MIGA1: variants seen among roughly 807,000 people sequenced by gnomAD.
MIGA1 encodes the protein mitoguardin 1, also known as family with sequence similarity 73, member A.
Under a neutral mutation model 82.0 loss-of-function variants are expected in MIGA1, and 58 were observed. The observed-to-expected ratio is 0.71, with a 90% CI of 0.57 to 0.88. The LOEUF (loss-of-function observed/expected upper bound fraction) is 0.88, where lower values mean the gene tolerates loss of function less well. Among genes scored for constraint, MIGA1 ranks in the 40% least tolerant of loss-of-function variants. The probability of loss-of-function intolerance (pLI) is 0.00; values close to 1 mark genes in which losing one functional copy is unlikely to be tolerated. For missense variants in MIGA1, 751 were observed against 749.1 expected (o/e 1.00, Z -0.03); for synonymous variants, 249 against 253.6 (o/e 0.98, Z 0.17).
intron 7 of MIGA1, among the ~76,000 whole-genome samples, chr1:77,829,776 A>G (rs1278126724): frequency 1.3e-5 from 2 of 152,040 alleles, no homozygotes; most frequent in East Asian, 3.9e-4. Flanking sequence ...CGGCCGTAGA[A>G]GTTTTTTTAA....
At chr1:77,870,293 G>T (rs1363517685) in intron 14 of MIGA1, among the ~76,000 whole-genome samples, 1 of 122,262 alleles carries the variant, frequency 8.2e-6, no homozygotes, top group Admixed American at 7.7e-5. Flanking sequence ...CAGACGGGGT[G>T]GCTGCCGGAC....
In MIGA1 at chr1:77,813,873, G is replaced by A. The variant is rs746959330; in HGVS notation, c.771+6G>A. The A allele has an allele frequency of 3.7e-6, 6 of 1,613,190 alleles. No individual in the cohort carries two copies. The highest frequency in any genetic ancestry group is 4.2e-6 in the Non-Finnish European group (5 of 1,179,826). Reference sequence around the variant, plus strand: ...TTGCTGAAGAAAATGTAGATGTAAGGGTGATTGATTTGAGTGGTCTTCATA... The same window carrying A: ...TTGCTGAAGAAAATGTAGATGTAAGAGTGATTGATTTGAGTGGTCTTCATA... On this transcript the variant is annotated splice_donor_region_variant and intron_variant, in intron 6 of 15. Transcript: ENST00000370791.
chr1:77,829,879 A>C (rs1684178215), intron 7 of MIGA1, among the ~76,000 whole-genome samples: 1 of 140,692 alleles, frequency 7.1e-6, no homozygotes, highest in African/African-American at 2.6e-5. Flanking sequence ...TGATTTGCAA[A>C]GCCCCCCCAC....
At chr1:77,847,784 C>G (rs1684899916) in intron 8 of MIGA1, 3 of 1,596,170 alleles carry the variant, frequency 1.9e-6, no homozygotes, top group Non-Finnish European at 1.7e-6. Context: ...CAAGGGGCTA[C>G]TCTGATGAAG....
At chr1:77,838,375 A>T (rs768260386) in intron 7 of MIGA1, among the ~76,000 whole-genome samples, 16 of 151,366 alleles carry the variant, frequency 1.1e-4, no homozygotes, top group Non-Finnish European at 1.8e-4. Context: ...TTTGAGACAG[A>T]GTCTCACTCT....
intron 8 of MIGA1, chr1:77,848,760 G>A (rs1684936079): frequency 7.3e-7 from 1 of 1,364,266 alleles, no homozygotes; most frequent in East Asian, 2.3e-5. Flanking sequence ...GGCAGATGGT[G>A]CAGGTTAATG....
intron 7 of MIGA1, among the ~76,000 whole-genome samples, chr1:77,840,124 T>C (rs1047237108): frequency 6.6e-6 from 1 of 152,234 alleles, no homozygotes; most frequent in Non-Finnish European, 1.5e-5. Context: ...AGATTCTTTC[T>C]TTGTACTTTT....
intron 15 of MIGA1, 55 bp downstream of exon 15, chr1:77,873,175 C>A: frequency 6.6e-7 from 1 of 1,506,506 alleles, no homozygotes; most frequent in East Asian, 2.3e-5. Flanking sequence ...AAAGGAGATA[C>A]GGTTTTATTC....
At chr1:77,869,842 G>A (rs1358562495) in intron 14 of MIGA1, among the ~76,000 whole-genome samples, 2 of 100,264 alleles carry the variant, frequency 2.0e-5, no homozygotes, top group Admixed American at 8.7e-5. Flanking sequence ...CCTCCCGGAC[G>A]GGGCGGCTGG....
At chr1:77,809,098 G>A (rs775097855) in intron 5 of MIGA1, among the ~76,000 whole-genome samples, 9 of 151,462 alleles carry the variant, frequency 5.9e-5, no homozygotes, top group East Asian at 1.9e-4. Context: ...GACAGAGCCC[G>A]TTTTCTTAAA....
At chr1:77,809,887 G>A (rs1282571572) in intron 5 of MIGA1, among the ~76,000 whole-genome samples, 2 of 149,546 alleles carry the variant, frequency 1.3e-5, no homozygotes, top group African/African-American at 4.9e-5. Context: ...AATAAATGGC[G>A]ATCCTATCTA....
In MIGA1 at chr1:77,779,691, G is replaced by C; in HGVS notation, c.36G>C (p.Trp12Cys). 1 of 1,590,590 alleles carries C rather than the reference G, an allele frequency of 6.3e-7. No individual in the cohort carries two copies. The highest frequency in any genetic ancestry group is 8.6e-7 in the Non-Finnish European group (1 of 1,168,702). The change falls in exon 1 of 16, where the codon TGG becomes TGC. Residue 12 changes from tryptophan to cysteine, a missense_variant. Trp to Cys is a radical substitution (Grantham distance 215). Around this residue, in one of 3 missense-constraint regions of MIGA1, gnomAD observed 482 missense variants for 439.4 expected, o/e 1.10. Transcript: ENST00000370791. ...GCTGCTCAGCGCCAGGCATCAGCTG[G>C]GAAGCTGGCGTGGGCAGGCCAGCTG...
At chr1:77,842,037 C>G (rs745370917) in intron 7 of MIGA1, among the ~76,000 whole-genome samples, 1 of 151,698 alleles carries the variant, frequency 6.6e-6, no homozygotes, top group Non-Finnish European at 1.5e-5. Context: ...CCTGCCTCAG[C>G]CTTCCAAAGC....
chr1:77,823,326 G>T (rs1231926226), intron 7 of MIGA1, among the ~76,000 whole-genome samples: 1 of 151,930 alleles, frequency 6.6e-6, no homozygotes, highest in Non-Finnish European at 1.5e-5. Flanking sequence ...AAAACATATA[G>T]TATGGTTCTA....
intron 5 of MIGA1, among the ~76,000 whole-genome samples, chr1:77,812,970 C>A (rs1683400915): frequency 6.6e-6 from 1 of 152,076 alleles, no homozygotes; most frequent in Non-Finnish European, 1.5e-5. Flanking sequence ...ATATTATTAT[C>A]TTTTCTTCAG....
At chr1:77,857,732 T>TTG (rs1426518209) in intron 8 of MIGA1, among the ~76,000 whole-genome samples, 1 of 149,702 alleles carries the variant, frequency 6.7e-6, no homozygotes, top group Non-Finnish European at 1.5e-5. Flanking sequence ...TGTTGTTTTT[T>TTG]TTTTTTTTTT....
intron 2 of MIGA1, among the ~76,000 whole-genome samples, chr1:77,788,592 A>G (rs962813593): frequency 3.9e-5 from 6 of 152,126 alleles, no homozygotes; most frequent in African/African-American, 1.4e-4. Flanking sequence ...GAAGCTTCTT[A>G]GGGTTTTAGG....
intron 8 of MIGA1, chr1:77,848,550 A>C (rs1364433714): frequency 1.5e-6 from 2 of 1,322,012 alleles, no homozygotes; most frequent in Admixed American, 4.3e-5. Context: ...GATCCAACAA[A>C]ATGAGAAACA....
intron 7 of MIGA1, among the ~76,000 whole-genome samples, chr1:77,823,213 CTT>C (rs879872245): frequency 1.4e-5 from 2 of 146,532 alleles, no homozygotes; most frequent in Admixed American, 1.4e-4. Context: ...GTCTATTCTC[CTT>C]TTTTTTTTTA....
Sources: allele counts gnomAD v4.1 joint callset (sites outside exome capture counted in the v4.1 genomes callset), GRCh38; gene constraint gnomAD v4.1.1; regional missense constraint gnomAD v4.1.1; transcripts MANE v1.5; gene names NCBI Gene and HGNC (gene_info 2026-07-23, HGNC 2026-07-21).